KIF16B: variants seen among roughly 807,000 people sequenced by gnomAD.
KIF16B encodes kinesin family member 16B, also known as kinesin-like protein KIF16B.
A neutral mutation model predicts 156.3 loss-of-function variants in KIF16B; 98 were observed. That is an observed-to-expected ratio of 0.63 (90% CI 0.53 to 0.74). The LOEUF (loss-of-function observed/expected upper bound fraction) is 0.74. Ranked by LOEUF, KIF16B falls within the 30% of genes least tolerant of loss-of-function variation. The pLI is 0.00. For missense variants in KIF16B, 1,421 were observed against 1,606.5 expected, an observed-to-expected ratio of 0.88 and a Z score of 1.97; for synonymous variants, 564 against 583.7, an observed-to-expected ratio of 0.97 and a Z score of 0.49.
intron 12 of KIF16B, among the ~76,000 whole-genome samples, chr20:16,451,255 A>T (rs2067073149): frequency 6.6e-6 from 1 of 152,180 alleles, no homozygotes; most frequent in Non-Finnish European, 1.5e-5. Flanking sequence ...GATGGGAGAC[A>T]TTTATAGCAG....
chr20:16,570,316 G>A (rs1600721297), intron 1 of KIF16B, among the ~76,000 whole-genome samples: 1 of 152,212 alleles, frequency 6.6e-6, no homozygotes, highest in South Asian at 2.1e-4. Flanking sequence ...AAAGTTTATA[G>A]ATTTCCAATT....
chr20:16,371,006 A>C (rs1197947659), intron 21 of KIF16B, among the ~76,000 whole-genome samples: 2 of 152,226 alleles, frequency 1.3e-5, no homozygotes, highest in Non-Finnish European at 2.9e-5. Context: ...TAATTTACAA[A>C]ATAAATAACT....
chr20:16,480,976 C>A (rs2067966798), intron 12 of KIF16B, among the ~76,000 whole-genome samples: 1 of 152,094 alleles, frequency 6.6e-6, no homozygotes, highest in Admixed American at 6.6e-5. Flanking sequence ...ATTCTATGAA[C>A]CTACAACCAT....
At chr20:16,495,655 A>T (rs1203558119) in intron 11 of KIF16B, among the ~76,000 whole-genome samples, 5 of 151,916 alleles carry the variant, frequency 3.3e-5, no homozygotes, top group Non-Finnish European at 7.4e-5. Context: ...AGGCTCCCTA[A>T]CTCTGTGCTT....
intron 15 of KIF16B, among the ~76,000 whole-genome samples, chr20:16,410,963 C>T (rs887035149): frequency 1.4e-4 from 21 of 151,914 alleles, no homozygotes; most frequent in East Asian, 3.9e-4. Flanking sequence ...AATGCCAAAA[C>T]GGTGATGTTT....
At chr20:16,393,909 T>C (rs1028808114) in intron 17 of KIF16B, among the ~76,000 whole-genome samples, 6 of 152,192 alleles carry the variant, frequency 3.9e-5, no homozygotes, top group Non-Finnish European at 7.4e-5. Flanking sequence ...GAATAGCATA[T>C]GCAAAGATCC....
At chr20:16,288,325 A>G (rs1030053655) in intron 25 of KIF16B, among the ~76,000 whole-genome samples, 5 of 152,230 alleles carry the variant, frequency 3.3e-5, no homozygotes, top group African/African-American at 1.2e-4. Flanking sequence ...TAAAGGAGCT[A>G]TTGTCTACAA....
chr20:16,441,853 G>A (rs889374463), intron 12 of KIF16B, among the ~76,000 whole-genome samples: 2 of 152,046 alleles, frequency 1.3e-5, no homozygotes, highest in African/African-American at 4.8e-5. Flanking sequence ...CTACATTAGG[G>A]ATATATCAGT....
At chr20:16,548,757 G>A (rs1600676129) in intron 1 of KIF16B, among the ~76,000 whole-genome samples, 3 of 152,172 alleles carry the variant, frequency 2.0e-5, no homozygotes, top group Admixed American at 1.3e-4. Context: ...CCAGATTCCT[G>A]GCTATTTCCA....
At chr20:16,494,532 C>A (rs942487271) in intron 11 of KIF16B, among the ~76,000 whole-genome samples, 182 bp from the exon 12 acceptor site, 1 of 152,160 alleles carries the variant, frequency 6.6e-6, no homozygotes, top group African/African-American at 2.4e-5. Flanking sequence ...ATTCCTACAA[C>A]CTACATTAGG....
At chr20:16,371,000 T>G (rs914424534) in intron 21 of KIF16B, among the ~76,000 whole-genome samples, 6 of 152,146 alleles carry the variant, frequency 3.9e-5, no homozygotes, top group Admixed American at 3.9e-4. Flanking sequence ...TTTGGATAAT[T>G]TACAAAATAA....
At chr20:16,539,356 T>C (rs1348357746) in intron 1 of KIF16B, among the ~76,000 whole-genome samples, 1 of 152,160 alleles carries the variant, frequency 6.6e-6, no homozygotes, top group African/African-American at 2.4e-5. Flanking sequence ...CAGGTGGAAA[T>C]CAGGAAGTTA....
chr20:16,384,508 C>T (rs561680509), intron 17 of KIF16B, among the ~76,000 whole-genome samples: 59 of 152,278 alleles, frequency 3.9e-4, no homozygotes, highest in Non-Finnish European at 6.0e-4. Context: ...ACAACAGAAG[C>T]TGGACAGTGA....
At chr20:16,352,637 T>C (rs2064360488) in intron 23 of KIF16B, among the ~76,000 whole-genome samples, 1 of 152,116 alleles carries the variant, frequency 6.6e-6, no homozygotes, top group Admixed American at 6.5e-5. Flanking sequence ...GCTCCCACAC[T>C]GGGGATTAAA....
intron 1 of KIF16B, among the ~76,000 whole-genome samples, chr20:16,572,624 T>C (rs2071496960): frequency 6.6e-6 from 1 of 152,236 alleles, no homozygotes; most frequent in African/African-American, 2.4e-5. Context: ...AGATTAAATT[T>C]TGTGTGTAAC....
At chr20:16,520,324 A>C (rs761820519) in intron 3 of KIF16B, among the ~76,000 whole-genome samples, 2 of 152,128 alleles carry the variant, frequency 1.3e-5, no homozygotes, top group Non-Finnish European at 2.9e-5. Flanking sequence ...TGGACCTGGG[A>C]TGCTTGAGCT....
At chr20:16,500,630 G>A (rs1406970364) in intron 10 of KIF16B, among the ~76,000 whole-genome samples, 2 of 151,928 alleles carry the variant, frequency 1.3e-5, no homozygotes, top group East Asian at 3.9e-4. Context: ...ATTGTTAGTT[G>A]CACCCTTTGT....
intron 22 of KIF16B, among the ~76,000 whole-genome samples, chr20:16,360,366 T>A (rs1383625362): frequency 1.3e-5 from 2 of 152,190 alleles, no homozygotes; most frequent in Admixed American, 1.3e-4. Context: ...TTATATCCCA[T>A]TATTTATGGG....
intron 25 of KIF16B, among the ~76,000 whole-genome samples, chr20:16,288,482 A>G (rs2063260152): frequency 6.6e-6 from 1 of 152,052 alleles, no homozygotes. Flanking sequence ...TACCTTAGTA[A>G]ACACAGTATG....
Sources: gnomAD v4.1 joint callset for allele counts (sites outside exome capture counted in the v4.1 genomes callset) on GRCh38, gnomAD v4.1.1 for gene constraint, MANE v1.5 for transcripts, NCBI Gene and HGNC (gene_info 2026-07-23, HGNC 2026-07-21) for gene names.